Variants in BNC2 observed in about 807,000 individuals in gnomAD.
The protein encoded by BNC2 is zinc finger protein basonuclin-2.
A neutral mutation model predicts 76.3 loss-of-function variants in BNC2; 20 were observed. That is an observed-to-expected ratio of 0.26 (90% CI 0.18 to 0.38). The LOEUF (loss-of-function observed/expected upper bound fraction) is 0.38, where lower values mean the gene tolerates loss of function less well. Among genes scored for constraint, BNC2 ranks in the 10% least tolerant of loss-of-function variants. BNC2 has a pLI of 1.00. For missense variants in BNC2, 1,382 were observed against 1,399.8 expected, an observed-to-expected ratio of 0.99 and a Z score of 0.20; for synonymous variants, 582 against 514.8, an observed-to-expected ratio of 1.13 and a Z score of -1.77.
chr9:16,852,834 C>A (rs1334402475), intron 1 of BNC2, among the ~76,000 whole-genome samples: 3 of 152,112 alleles, frequency 2.0e-5, no homozygotes, highest in African/African-American at 7.2e-5. Flanking sequence ...GAGAAAAACC[C>A]CATGCAAAGG....
At chr9:16,470,549 G>A (rs888454034) in intron 5 of BNC2, among the ~76,000 whole-genome samples, 2 of 152,194 alleles carry the variant, frequency 1.3e-5, no homozygotes, top group Admixed American at 6.5e-5. Flanking sequence ...GGTTTCATGG[G>A]CTGAGCCCAG....
At chr9:16,766,067 GT>G (rs1336311587) in intron 1 of BNC2, among the ~76,000 whole-genome samples, 1 of 152,146 alleles carries the variant, frequency 6.6e-6, no homozygotes, top group Non-Finnish European at 1.5e-5. Flanking sequence ...GATTACAGGC[GT>G]GAGCCACCGC....
chr9:16,786,220 T>C (rs1826289339), intron 1 of BNC2, among the ~76,000 whole-genome samples: 2 of 152,130 alleles, frequency 1.3e-5, no homozygotes, highest in African/African-American at 4.8e-5. Context: ...CCTGGGGAAA[T>C]TTGCTTTCTC....
intron 3 of BNC2, among the ~76,000 whole-genome samples, chr9:16,651,939 C>T (rs1821806109): frequency 6.6e-6 from 1 of 152,162 alleles, no homozygotes; most frequent in Admixed American, 6.5e-5. Flanking sequence ...CCTGAGTGTT[C>T]AGATCTTAAA....
At chr9:16,536,243 T>A (rs113596032) in intron 5 of BNC2, among the ~76,000 whole-genome samples, 111 of 151,868 alleles carry the variant, frequency 7.3e-4, no homozygotes, top group African/African-American at 2.6e-3. Context: ...CTATACCTCA[T>A]CCAAATCTTT....
chr9:16,693,631 T>A (rs1051610262), intron 3 of BNC2, among the ~76,000 whole-genome samples: 2 of 152,178 alleles, frequency 1.3e-5, no homozygotes, highest in African/African-American at 4.8e-5. Flanking sequence ...AGATCATAAC[T>A]TAGTTTTAGA....
chr9:16,621,312 G>C (rs76291532), intron 3 of BNC2, among the ~76,000 whole-genome samples: 6,481 of 152,216 alleles, frequency 0.043, 494 homozygotes, highest in African/African-American at 0.15. Flanking sequence ...TCCAAAAGGA[G>C]AAACAGAGGG....
chr9:16,589,781 TACAGGCGTA>T lies in BNC2; in HGVS notation c.331-6705_331-6697del, dbSNP rs1300424080. Among the ~76,000 whole-genome samples, 11 of 152,288 alleles carry T rather than the reference TACAGGCGTA, an allele frequency of 7.2e-5. No individual in the cohort carries two copies. The East Asian group carries it at 2.1e-3, about 30-fold the overall frequency. On this transcript the variant is annotated intron_variant, in intron 3 of 6. Transcript: ENST00000380672. Reference sequence around the variant, plus strand: ...CCTCGGCCTCTCAAAGTGCTGGAATTACAGGCGTAAGCCACGGTGCCTGGCCCTAAAAAC... The same window carrying T: ...CCTCGGCCTCTCAAAGTGCTGGAATTAGCCACGGTGCCTGGCCCTAAAAAC...
intron 4 of BNC2, among the ~76,000 whole-genome samples, chr9:16,563,266 C>T (rs998025197): frequency 1.3e-5 from 2 of 152,146 alleles, no homozygotes; most frequent in East Asian, 3.9e-4. Flanking sequence ...TTTTTATTTT[C>T]TCAATCTTTT....
intron 1 of BNC2, among the ~76,000 whole-genome samples, chr9:16,842,853 G>C (rs992634067): frequency 6.6e-6 from 1 of 152,124 alleles, no homozygotes; most frequent in Admixed American, 6.5e-5. Context: ...TTGGGTTCAA[G>C]CAATTCTCCT....
intron 1 of BNC2, among the ~76,000 whole-genome samples, chr9:16,869,096 A>C (rs989257654): frequency 6.6e-6 from 1 of 152,218 alleles, no homozygotes; most frequent in Non-Finnish European, 1.5e-5. Flanking sequence ...CGGCTTTTAC[A>C]GTGTTCTTGT....
At chr9:16,518,929 A>C (rs1281182353) in intron 5 of BNC2, among the ~76,000 whole-genome samples, 1 of 152,226 alleles carries the variant, frequency 6.6e-6, no homozygotes, top group East Asian at 1.9e-4. Flanking sequence ...AAAACCAGAA[A>C]ACAAATGTCT....
chr9:16,579,276 AAT>A (rs1819564723), intron 4 of BNC2, among the ~76,000 whole-genome samples: 2 of 135,736 alleles, frequency 1.5e-5, no homozygotes, highest in African/African-American at 7.3e-5. Flanking sequence ...ATCACTCTTT[AAT>A]TTATTATTTT....
At chr9:16,708,679 G>A (rs2134688826) in intron 3 of BNC2, among the ~76,000 whole-genome samples, 1 of 152,188 alleles carries the variant, frequency 6.6e-6, no homozygotes, top group African/African-American at 2.4e-5. Flanking sequence ...GAATGAGATG[G>A]GGAGGAGCAA....
chr9:16,699,482 TAAG>T (rs1823443747), intron 3 of BNC2, among the ~76,000 whole-genome samples: 1 of 152,222 alleles, frequency 6.6e-6, no homozygotes, highest in African/African-American at 2.4e-5. Context: ...TCTGCAAAAG[TAAG>T]ACTTCTGCAA....
intron 1 of BNC2, among the ~76,000 whole-genome samples, chr9:16,850,269 T>G (rs918036025): frequency 1.3e-5 from 2 of 152,192 alleles, no homozygotes. Flanking sequence ...TACAAAGGGC[T>G]ACAAAATAAT....
chr9:16,498,030 C>A (rs1822430481), intron 5 of BNC2, among the ~76,000 whole-genome samples: 1 of 118,462 alleles, frequency 8.4e-6, no homozygotes, highest in African/African-American at 3.0e-5. Flanking sequence ...TGTATTCCAC[C>A]ATATATATAT....
chr9:16,766,135 T>C (rs1020685828), intron 1 of BNC2, among the ~76,000 whole-genome samples: 3 of 152,204 alleles, frequency 2.0e-5, no homozygotes, highest in Non-Finnish European at 4.4e-5. Context: ...TTAGCAGAGA[T>C]GTAAACGATA....
chr9:16,660,707 G>C (rs2134053235), intron 3 of BNC2, among the ~76,000 whole-genome samples: 1 of 151,992 alleles, frequency 6.6e-6, no homozygotes, highest in African/African-American at 2.4e-5. Context: ...TGTGGGTTCT[G>C]CATCCATGAA....
Sources: allele counts gnomAD v4.1 joint callset (sites outside exome capture counted in the v4.1 genomes callset), GRCh38; gene constraint gnomAD v4.1.1; transcripts MANE v1.5; gene names NCBI Gene and HGNC (gene_info 2026-07-23, HGNC 2026-07-21).